Variants in TSPAN19 observed in about 807,000 individuals in gnomAD.
TSPAN19 encodes the protein tetraspanin-19.
In TSPAN19, 44 loss-of-function variants were observed where a neutral mutation model predicts 35.1. The observed-to-expected ratio is 1.25, with a 90% CI of 0.98 to 1.61. The LOEUF (loss-of-function observed/expected upper bound fraction) is 1.61. Ranked by LOEUF, TSPAN19 falls within the 40% of genes most tolerant of loss-of-function variation. TSPAN19 has a pLI of 0.00. For synonymous variants in TSPAN19, 79 were observed against 92.0 expected (o/e 0.86, Z 0.81); for missense variants, 290 against 280.0 (o/e 1.04, Z -0.26).
Position 85,014,585 on chromosome 12 carries a change from A to G in TSPAN19, c.679-30T>C. 2.7e-6 allele frequency: 4 copies of G among 1,491,686 alleles called. 1 individual carries two copies. The highest frequency in any genetic ancestry group is 1.7e-4 in the Middle Eastern group (1 of 5,772). The allele number at this position is 1,491,686 out of a possible 1,614,324, so 92.4% of individuals were successfully genotyped here. ...AAGAAAAGGGAACAATAAGAGATTA[A>G]AATTTAATCAATGATAAGAGTAATT... On this transcript the variant is annotated intron_variant, in intron 8 of 8. Transcript: ENST00000532498.
chr12:85,025,139 CT>C (rs920823293), intron 4 of TSPAN19, among the ~76,000 whole-genome samples: 433 of 142,506 alleles, frequency 3.0e-3, no homozygotes, highest in African/African-American at 4.3e-3. Flanking sequence ...TATATGAAAC[CT>C]TTTTTTTTTT....
intron 4 of TSPAN19, among the ~76,000 whole-genome samples, chr12:85,025,326 G>T (rs1877346690): frequency 6.6e-6 from 1 of 151,868 alleles, no homozygotes; most frequent in African/African-American, 2.4e-5. Context: ...AATAGAGATG[G>T]GGTTTCACCA....
intron 1 of TSPAN19, among the ~76,000 whole-genome samples, chr12:85,035,635 T>C (rs1877950820): frequency 6.6e-6 from 1 of 151,738 alleles, no homozygotes; most frequent in African/African-American, 2.4e-5. Flanking sequence ...TTTTAGAATT[T>C]AATGCCTTAT....
chr12:85,015,955 A>C lies in TSPAN19; in HGVS notation c.611T>G (p.Ile204Ser). ...ATYLEGCENKISAWYNVNVLT... is the reference protein window; with the variant it reads ...ATYLEGCENKSSAWYNVNVLT... ...CACATTAACATTATACCATGCACTG[A>C]TTTTATTTTCACAACCCTAAGAAAA... The change falls in exon 8 of 9, where the codon ATC (isoleucine) becomes AGC (serine). Residue 204 changes from isoleucine to serine, a missense_variant. Ile to Ser is a moderately radical substitution (Grantham distance 142). Transcript: ENST00000532498. The C allele has an allele frequency of 1.3e-6, 2 of 1,544,110 alleles. No homozygotes were observed. The highest frequency in any genetic ancestry group is 1.7e-6 in the Non-Finnish European group (2 of 1,143,502).
Position 85,019,744 on chromosome 12 carries a change from A to G in TSPAN19, c.340-8T>C. 1 of 1,526,040 alleles carries G rather than the reference A, an allele frequency of 6.6e-7. No individual in the cohort carries two copies. The highest frequency in any genetic ancestry group is 2.3e-5 in the East Asian group (1 of 43,552). The allele number at this position is 1,526,040 out of a possible 1,614,324, so 94.5% of individuals were successfully genotyped here. On this transcript the variant is annotated splice_region_variant and splice_polypyrimidine_tract_variant and intron_variant, in intron 5 of 8. Coordinates refer to ENST00000532498, the MANE Select transcript of TSPAN19 (RefSeq NM_001100917.2). ...ATGCCATAGTTGCTGAACCTGTAGAAAATTGTATTAAAAATGAAAATTTCA... is the reference window on the plus strand; with the variant it reads ...ATGCCATAGTTGCTGAACCTGTAGAGAATTGTATTAAAAATGAAAATTTCA...
chr12:85,031,094 T>C (rs1305435658), intron 1 of TSPAN19, among the ~76,000 whole-genome samples: 1 of 152,130 alleles, frequency 6.6e-6, no homozygotes, highest in African/African-American at 2.4e-5. Context: ...TGTACTACCT[T>C]CCCTACTTTA....
chr12:85,028,796 TG>T (rs1877546075), intron 3 of TSPAN19, among the ~76,000 whole-genome samples: 1 of 152,138 alleles, frequency 6.6e-6, no homozygotes, highest in Non-Finnish European at 1.5e-5. Context: ...AATGGGCAGA[TG>T]TCATAAATCA....
chr12:85,030,837 G>C (rs1022760104), intron 1 of TSPAN19, among the ~76,000 whole-genome samples: 1 of 151,996 alleles, frequency 6.6e-6, no homozygotes, highest in Admixed American at 6.6e-5. Context: ...ATCTAATCTT[G>C]AGTATGTTCC....
At chr12:85,018,233 A>G (rs913723620) in intron 6 of TSPAN19, among the ~76,000 whole-genome samples, 1 of 151,936 alleles carries the variant, frequency 6.6e-6, no homozygotes, top group African/African-American at 2.4e-5. Context: ...TTTGTCACTT[A>G]GGAAATAAGA....
chr12:85,026,249 A>G (rs775692006), intron 4 of TSPAN19, among the ~76,000 whole-genome samples: 2 of 152,174 alleles, frequency 1.3e-5, no homozygotes, highest in Non-Finnish European at 2.9e-5. Context: ...ACAAGAAGAA[A>G]AAAATCAAGG....
At chr12:85,015,537 C>CATAT (rs555810518) in intron 8 of TSPAN19, 5,422 of 135,608 alleles carry the variant, frequency 0.04, 150 homozygotes, top group Middle Eastern at 0.065. Flanking sequence ...AATATATGAA[C>CATAT]ATATACACAC....
intron 6 of TSPAN19, among the ~76,000 whole-genome samples, chr12:85,019,377 AG>A (rs368876599): frequency 6.6e-6 from 1 of 151,988 alleles, no homozygotes; most frequent in African/African-American, 2.4e-5. Context: ...GCAAAAGACC[AG>A]CAGCACTTTT....
chr12:85,015,442 A>C (rs1163062734), intron 8 of TSPAN19: 1 of 152,432 alleles, frequency 6.6e-6, no homozygotes, highest in Non-Finnish European at 1.5e-5. Flanking sequence ...ATGAGTGAAT[A>C]GTGGATCTTA....
At chr12:85,030,088 TA>T in intron 1 of TSPAN19, 115 bp from the exon 2 acceptor site, 2 of 802,654 alleles carry the variant, frequency 2.5e-6, no homozygotes, top group South Asian at 2.7e-5. Flanking sequence ...CAGTATAACA[TA>T]CTTCCATCTC....
chr12:85,026,900 G>T (rs1877443638), intron 4 of TSPAN19, among the ~76,000 whole-genome samples: 1 of 152,146 alleles, frequency 6.6e-6, no homozygotes. Context: ...TGTCCAGGGT[G>T]ACTACCCAGA....
chr12:85,028,337 T>C (rs1055988231), intron 3 of TSPAN19, among the ~76,000 whole-genome samples: 9 of 152,230 alleles, frequency 5.9e-5, no homozygotes, highest in African/African-American at 1.4e-4. Context: ...CTATGTCCAA[T>C]GTATATTCAA....
At chr12:85,022,113 A>G (rs1217865420) in intron 5 of TSPAN19, among the ~76,000 whole-genome samples, 2 of 152,092 alleles carry the variant, frequency 1.3e-5, no homozygotes, top group African/African-American at 4.8e-5. Flanking sequence ...AATGAGGTTG[A>G]AAAGTTTGAG....
chr12:85,030,720 T>C (rs1404646792), intron 1 of TSPAN19, among the ~76,000 whole-genome samples: 2 of 152,128 alleles, frequency 1.3e-5, no homozygotes, highest in Admixed American at 1.3e-4. Flanking sequence ...GTAGCTTTCA[T>C]TAAAACTTAT....
In TSPAN19 at chr12:85,028,015, T is replaced by A; in HGVS notation, c.148A>T (p.Asn50Tyr). The A allele has an allele frequency of 6.4e-7, 1 of 1,555,118 alleles. No homozygotes were observed. The highest frequency in any genetic ancestry group is 8.7e-7 in the Non-Finnish European group (1 of 1,146,024). ...NNFLTAFDENNHFIVPISQIL... is the reference protein window; with the variant it reads ...NNFLTAFDENYHFIVPISQIL... The stretch of plus-strand genomic sequence containing the variant: ...TGAGAAATAGGTACTATGAAGTGAT[T>A]ATTTTCATCTGTGAAAAGTACAAAT... Residue 50 changes from asparagine (N) to tyrosine (Y), a missense_variant, in exon 4 of 9, where the codon AAT (asparagine) becomes TAT (tyrosine). Coordinates refer to ENST00000532498, the MANE Select transcript of TSPAN19 (RefSeq NM_001100917.2).
Sources: allele counts gnomAD v4.1 joint callset (sites outside exome capture counted in the v4.1 genomes callset), GRCh38; gene constraint gnomAD v4.1.1; transcripts MANE v1.5; gene names NCBI Gene and HGNC (gene_info 2026-07-23, HGNC 2026-07-21).